The following CNN3 variants were observed in gnomAD, a reference collection of about 807,000 sequenced individuals.
CNN3 encodes calponin-3.
CNN3 carries 11 observed loss-of-function variants against 39.0 expected under a neutral mutation model. The ratio of observed to expected loss-of-function variants is 0.28; its 90% CI spans 0.18 to 0.47. The LOEUF is 0.47. Ranked by LOEUF, CNN3 falls within the 20% of genes least tolerant of loss-of-function variation. CNN3 has a pLI of 0.99. For synonymous variants in CNN3, 101 were observed against 138.3 expected (o/e 0.73, Z 1.89); for missense variants, 266 against 403.4 (o/e 0.66, Z 2.92).
intron 5 of CNN3, among the ~76,000 whole-genome samples, chr1:94,900,304 A>G (rs951293045): frequency 2.0e-5 from 3 of 152,228 alleles, no homozygotes; most frequent in Non-Finnish European, 4.4e-5. Flanking sequence ...GGGGGGAAAA[A>G]TCATTGTGAT....
Position 94,903,183 on chromosome 1 carries a change from A to T in CNN3, c.185T>A (p.Ile62Lys). 1 of 1,612,960 alleles carries T rather than the reference A, an allele frequency of 6.2e-7. No individual in the cohort carries two copies. The highest frequency in any genetic ancestry group is 8.5e-7 in the Non-Finnish European group (1 of 1,179,508). ...CACTGAGCCTGGCTGTAGCTTGTTT[A>T]TAAGTCTGAAAAGAAAAATATGAGA... Reference protein sequence around the residue: ...LKDGIILCELINKLQPGSVKK... With the variant: ...LKDGIILCELKNKLQPGSVKK... Residue 62 changes from isoleucine (I) to lysine (K), a missense_variant, in exon 3 of 7, where the codon ATA becomes AAA. Coordinates refer to ENST00000370206, the MANE Select transcript of CNN3 (RefSeq NM_001839.5).
At chr1:94,923,297 T>C (rs866887834) in intron 1 of CNN3, among the ~76,000 whole-genome samples, 15 of 152,298 alleles carry the variant, frequency 9.8e-5, no homozygotes, top group Middle Eastern at 3.4e-3. Flanking sequence ...TGGTTCAACC[T>C]GTAGAATACC....
At chr1:94,920,337 G>A (rs1338571235) in intron 1 of CNN3, among the ~76,000 whole-genome samples, 2 of 152,144 alleles carry the variant, frequency 1.3e-5, no homozygotes, top group Non-Finnish European at 2.9e-5. Context: ...TTGGTGTCAT[G>A]TCCCCTATCC....
intron 1 of CNN3, among the ~76,000 whole-genome samples, chr1:94,912,561 T>G (rs1204764274): frequency 1.3e-5 from 2 of 152,168 alleles, no homozygotes; most frequent in African/African-American, 2.4e-5. Context: ...ACAAGGCATG[T>G]CCAAGAACAC....
At chr1:94,899,320 T>C (rs1553215642) in intron 6 of CNN3, 51 bp downstream of exon 6, 3 of 1,532,118 alleles carry the variant, frequency 2.0e-6, no homozygotes, top group South Asian at 2.5e-5. Flanking sequence ...TTCTGGTTAA[T>C]AAAAATAAGG....
intron 1 of CNN3, among the ~76,000 whole-genome samples, chr1:94,904,714 T>G (rs1316287028): frequency 6.6e-6 from 1 of 151,616 alleles, no homozygotes; most frequent in African/African-American, 2.4e-5. Flanking sequence ...ACCACTGCAC[T>G]CCAGCCTGGG....
chr1:94,899,579 C>A, intron 5 of CNN3, 62 bp from the exon 6 acceptor site: 2 of 1,525,806 alleles, frequency 1.3e-6, no homozygotes, highest in South Asian at 1.3e-5. Flanking sequence ...ACAACACAAA[C>A]AAAACTTTCC....
At chr1:94,901,893 A>G (rs1471806380) in intron 4 of CNN3, 108 bp from the exon 5 acceptor site, 1 of 790,106 alleles carries the variant, frequency 1.3e-6, no homozygotes, top group East Asian at 2.6e-5. Flanking sequence ...AGAGATAAAA[A>G]GTATTTAAGG....
At position 94,902,129 on chromosome 1, in the gene CNN3, C is replaced by G. The variant is rs1385554088; in HGVS notation, c.376G>C (p.Ala126Pro). Residue 126 changes from alanine (A) to proline (P), a missense_variant, in exon 4 of 7, where the codon GCA (alanine) becomes CCA (proline). Physicochemically the swap from Ala to Pro is conservative, Grantham distance 27. Transcript: ENST00000370206. ...TQVQTTLVAL[A>P]GLAKTKGFHT... ...TAAAGACATGTACGTACCAGACCTG[C>G]TAGAGCCACCAGAGTAGTCTGAACC... The G allele has an allele frequency of 6.2e-7, 1 of 1,612,646 alleles. No individual in the cohort carries two copies.
rs375037603 is a variant in CNN3 at position 94,906,043 on chromosome 1, C to T, written c.58-2519G>A. Among the ~76,000 whole-genome samples the T allele has an allele frequency of 9.9e-4, 150 of 152,202 alleles. 7 individuals carry two copies. In the South Asian group the frequency reaches 0.03, roughly 30 times the overall value. On this transcript the variant is annotated intron_variant, in intron 1 of 6. Coordinates refer to ENST00000370206, the MANE Select transcript of CNN3 (RefSeq NM_001839.5). ...TGTCACCCAGGCTGGAGTGCAGTGG[C>T]GTGAACTCAGCTCACTGCAACCTCC...
intron 1 of CNN3, among the ~76,000 whole-genome samples, chr1:94,920,155 T>C (rs1671403983): frequency 6.6e-6 from 1 of 152,142 alleles, no homozygotes; most frequent in Non-Finnish European, 1.5e-5. Flanking sequence ...GACCTCTAGC[T>C]CTACAGAGAA....
chr1:94,900,697 G>A (rs759626254), intron 5 of CNN3, among the ~76,000 whole-genome samples: 1 of 152,178 alleles, frequency 6.6e-6, no homozygotes, highest in Non-Finnish European at 1.5e-5. Flanking sequence ...GGCTTTTGGA[G>A]AGTAAAGCCA....
chr1:94,914,512 T>C (rs1468868181), intron 1 of CNN3, among the ~76,000 whole-genome samples: 1 of 152,096 alleles, frequency 6.6e-6, no homozygotes, highest in African/African-American at 2.4e-5. Flanking sequence ...ACCCCAAAAC[T>C]GAGTCGAAAC....
intron 1 of CNN3, among the ~76,000 whole-genome samples, chr1:94,913,605 A>G (rs920556504): frequency 1.3e-5 from 2 of 152,252 alleles, no homozygotes; most frequent in African/African-American, 4.8e-5. Flanking sequence ...AGTTTCTAGA[A>G]GGAGTAAACT....
chr1:94,903,663 G>T, intron 1 of CNN3, 139 bp from the exon 2 acceptor site: 2 of 1,112,130 alleles, frequency 1.8e-6, no homozygotes, highest in South Asian at 1.6e-5. Flanking sequence ...GATCTCAATG[G>T]CAAACTTAAC....
Position 94,927,049 on chromosome 1 carries a change from C to T in CNN3, c.-155G>A. The T allele has an allele frequency of 1.4e-6, 1 of 715,242 alleles. No individual in the cohort carries two copies. The highest frequency in any genetic ancestry group is 1.9e-5 in the South Asian group (1 of 52,624). The allele number at this position is 715,242 out of a possible 1,614,324, so 44.3% of individuals were successfully genotyped here. On this transcript the variant is annotated 5_prime_UTR_variant, in exon 1 of 7. Transcript: ENST00000370206. ...GACGGCCGCGGGGCGCGGGCGGTGC[C>T]TGGGCGACTGGGTCCAACTGGGTGC...
chr1:94,921,672 T>C (rs1001798825), intron 1 of CNN3, among the ~76,000 whole-genome samples: 2 of 152,116 alleles, frequency 1.3e-5, no homozygotes, highest in African/African-American at 4.8e-5. Flanking sequence ...TTGTCAAGAT[T>C]GTTTCTGAAA....
intron 4 of CNN3, 137 bp downstream of exon 4, chr1:94,901,984 C>A: frequency 1.3e-6 from 1 of 798,692 alleles, no homozygotes; most frequent in South Asian, 1.6e-5. Flanking sequence ...ATGTCAGCAG[C>A]CTTTCCACAA....
chr1:94,897,562 A>G lies in CNN3; in HGVS notation c.*180T>C, dbSNP rs2101713358. The G allele has an allele frequency of 1.7e-6, 1 of 587,802 alleles. No individual in the cohort carries two copies. The highest frequency in any genetic ancestry group is 1.9e-5 in the African/African-American group (1 of 53,896). 36.4% of individuals were successfully genotyped at this position (587,802 alleles called of 1,614,324 possible). On this transcript the variant is annotated 3_prime_UTR_variant, in exon 7 of 7. Coordinates refer to ENST00000370206, the MANE Select transcript of CNN3 (RefSeq NM_001839.5). ...AGGATTTAACTATTACAGCACTAAA[A>G]GGCAACTATTGAGGGAAGAGGCAGA... is the stretch of plus-strand genomic sequence containing the variant.
Sources: gnomAD v4.1 joint callset for allele counts (sites outside exome capture counted in the v4.1 genomes callset) on GRCh38, gnomAD v4.1.1 for gene constraint, MANE v1.5 for transcripts, NCBI Gene and HGNC (gene_info 2026-07-23, HGNC 2026-07-21) for gene names.